The following POT1 variants were observed in gnomAD, a reference collection of about 807,000 sequenced individuals.
POT1 encodes the protein protection of telomeres protein 1.
Under a neutral mutation model 78.5 loss-of-function variants are expected in POT1, and 47 were observed. The ratio of observed to expected loss-of-function variants is 0.60; its 90% CI spans 0.47 to 0.76. The LOEUF is 0.76. Ranked by LOEUF, POT1 falls within the 30% of genes least tolerant of loss-of-function variation. The pLI, the probability that POT1 is intolerant of heterozygous loss-of-function variation, is 0.00. For synonymous variants in POT1, 259 were observed against 260.7 expected (o/e 0.99, Z 0.06); for missense variants, 646 against 749.9 (o/e 0.86, Z 1.62).
At chr7:124,859,260 G>T in intron 8 of POT1, 148 bp from the exon 9 acceptor site, 1 of 518,880 alleles carries the variant, frequency 1.9e-6, no homozygotes. Flanking sequence ...TTTTCTGATT[G>T]TTAAAGAACT....
intron 5 of POT1, chr7:124,892,688 A>G (rs548225562): frequency 6.1e-6 from 1 of 164,654 alleles, no homozygotes; most frequent in Non-Finnish European, 1.3e-5. Flanking sequence ...CTGACTTATG[A>G]TGGTTCAACT....
At chr7:124,840,101 G>A (rs1017470598) in intron 14 of POT1, among the ~76,000 whole-genome samples, 3 of 151,258 alleles carry the variant, frequency 2.0e-5, no homozygotes, top group Non-Finnish European at 2.9e-5. Flanking sequence ...GCCTCCTCCA[G>A]TATCAACATC....
At chr7:124,914,810 C>G (rs888977433) in intron 3 of POT1, among the ~76,000 whole-genome samples, 8 of 152,106 alleles carry the variant, frequency 5.3e-5, no homozygotes, top group African/African-American at 1.7e-4. Flanking sequence ...TGAGCATCCA[C>G]AGATTTTTAT....
Position 124,866,757 on chromosome 7 carries a change from A to G in POT1, c.256-3117T>C, listed in dbSNP as rs1291882322. 3.3e-5 allele frequency among the ~76,000 whole-genome samples: 5 copies of G among 152,180 alleles called. No homozygotes were observed. In the South Asian group the frequency reaches 6.2e-4, roughly 19 times the overall value. On this transcript the variant is annotated intron_variant, in intron 7 of 18. Transcript: ENST00000357628. ...ATAAGTTTCTCTTCACTCTCTGATCATAGCTACCCATTGTCCGATGCCTAA... is the reference window on the plus strand; with the variant it reads ...ATAAGTTTCTCTTCACTCTCTGATCGTAGCTACCCATTGTCCGATGCCTAA...
chr7:124,859,231 T>G, intron 8 of POT1, 119 bp from the exon 9 acceptor site: 1 of 596,142 alleles, frequency 1.7e-6, no homozygotes, highest in East Asian at 3.1e-5. Flanking sequence ...ATATTGGCAC[T>G]ATTTTAAATA....
intron 6 of POT1, among the ~76,000 whole-genome samples, chr7:124,876,735 C>G (rs1795999377): frequency 7.2e-6 from 1 of 138,456 alleles, no homozygotes; most frequent in South Asian, 2.4e-4. Context: ...TTGTTCTCAA[C>G]TGCAGCACTT....
At chr7:124,899,923 T>C (rs1021324159) in intron 3 of POT1, among the ~76,000 whole-genome samples, 11 of 152,082 alleles carry the variant, frequency 7.2e-5, no homozygotes, top group Admixed American at 3.3e-4. Context: ...AAGAAAAATT[T>C]TGAAAAGAAT....
Position 124,884,922 on chromosome 7 carries a change from A to T in POT1, c.124+7344T>A, listed in dbSNP as rs1466934130. 2.6e-5 allele frequency among the ~76,000 whole-genome samples: 4 copies of T among 152,212 alleles called. No individual in the cohort carries two copies. In the East Asian group the frequency reaches 7.7e-4, roughly 29 times the overall value. ...TTTAAAAAATAGCTATTTCTAAAAA[A>T]CTGAAACACAGCTAAAATTAAATTC... On this transcript the variant is annotated intron_variant, in intron 6 of 18. Coordinates refer to ENST00000357628, the MANE Select transcript of POT1 (RefSeq NM_015450.3).
chr7:124,873,535 G>C (rs559315545), intron 6 of POT1, among the ~76,000 whole-genome samples: 1 of 152,154 alleles, frequency 6.6e-6, no homozygotes, highest in East Asian at 1.9e-4. Context: ...ATCTGTATTG[G>C]CCTGTAGTTT....
At chr7:124,910,579 T>G (rs965190870) in intron 3 of POT1, among the ~76,000 whole-genome samples, 9 of 151,904 alleles carry the variant, frequency 5.9e-5, no homozygotes, top group African/African-American at 2.2e-4. Context: ...ATAATAAACG[T>G]TTGAAAAAGA....
intron 13 of POT1, 120 bp downstream of exon 13, chr7:124,842,687 T>A: frequency 1.3e-6 from 1 of 745,768 alleles, no homozygotes; most frequent in South Asian, 4.8e-5. Flanking sequence ...TTTACCATTC[T>A]TGCAAAATAT....
In POT1 at chr7:124,830,011, T is replaced by G. The variant is rs549294608; in HGVS notation, c.1506-669A>C. Among the ~76,000 whole-genome samples, 455 of 152,236 alleles carry G rather than the reference T, an allele frequency of 3.0e-3. 5 individuals carry two copies. Among genetic ancestry groups the G allele is most frequent in the Middle Eastern group, 0.014 (4 of 294 alleles). ...CCATACCTGGCCTCTGTAAGTAATATCTTAATAAATTCAAAGTGTTAATAA... is the reference window on the plus strand; with the variant it reads ...CCATACCTGGCCTCTGTAAGTAATAGCTTAATAAATTCAAAGTGTTAATAA... On this transcript the variant is annotated intron_variant, in intron 15 of 18. Coordinates refer to ENST00000357628, the MANE Select transcript of POT1 (RefSeq NM_015450.3).
Position 124,841,914 on chromosome 7 carries a change from A to C in POT1, c.1164-736T>G, listed in dbSNP as rs1391392292. 3.3e-5 allele frequency among the ~76,000 whole-genome samples: 5 copies of C among 152,110 alleles called. No individual in the cohort carries two copies. In the South Asian group the frequency reaches 6.2e-4, roughly 19 times the overall value. On this transcript the variant is annotated intron_variant, in intron 13 of 18. Coordinates refer to ENST00000357628, the MANE Select transcript of POT1 (RefSeq NM_015450.3). ...TATATACATTTTAATCCCAACCACCATTTCAAGCTCAAATGGGTAAAAACA... is the reference window on the plus strand; with the variant it reads ...TATATACATTTTAATCCCAACCACCCTTTCAAGCTCAAATGGGTAAAAACA...
chr7:124,823,903 A>C lies in POT1; in HGVS notation c.*59T>G. 2 of 1,089,882 alleles carry C rather than the reference A, an allele frequency of 1.8e-6. No individual in the cohort carries two copies. Among genetic ancestry groups the C allele is most frequent in the Non-Finnish European group, 2.8e-6 (2 of 718,136 alleles). The allele number at this position is 1,089,882 out of a possible 1,614,324, so 67.5% of individuals were successfully genotyped here. ...GATACAAAACTCAGGTCAGGAAAAG[A>C]AGCTCAAACAGGGAAGGTGAGTGGC... On this transcript the variant is annotated 3_prime_UTR_variant, in exon 19 of 19. Coordinates refer to ENST00000357628, the MANE Select transcript of POT1 (RefSeq NM_015450.3).
intron 3 of POT1, among the ~76,000 whole-genome samples, chr7:124,906,301 A>G (rs568122153): frequency 6.6e-6 from 1 of 152,256 alleles, no homozygotes; most frequent in East Asian, 1.9e-4. Context: ...ATGGAATACT[A>G]TGCAACCGTA....
rs1236014028 is a variant in POT1, at chr7:124,863,534, T to C, written c.362A>G (p.Lys121Arg). ...GTCCTCAGTAGTGAAGTTAAAATAC[T>C]TGCTTGAAGTGCGAGGTATGATAGG... ...GAPIIPRTSS[K>R]YFNFTTEDHK... The change falls in exon 8 of 19, where the codon AAG becomes AGG. Residue 121 changes from lysine to arginine, a missense_variant. By Grantham distance (26) the Lys-to-Arg change is conservative (BLOSUM62 2). Transcript: ENST00000357628. The C allele has an allele frequency of 6.2e-7, 1 of 1,613,942 alleles. No homozygotes were observed. The highest frequency in any genetic ancestry group is 8.5e-7 in the Non-Finnish European group (1 of 1,179,868).
At chr7:124,884,279 CA>C (rs1488702778) in intron 6 of POT1, among the ~76,000 whole-genome samples, 1 of 151,946 alleles carries the variant, frequency 6.6e-6, no homozygotes, top group African/African-American at 2.4e-5. Flanking sequence ...CATCCTATCC[CA>C]AAATCTAAAA....
intron 3 of POT1, among the ~76,000 whole-genome samples, chr7:124,913,218 G>A (rs1427402064): frequency 6.6e-6 from 1 of 152,156 alleles, no homozygotes; most frequent in East Asian, 1.9e-4. Flanking sequence ...AATTCAAGAT[G>A]AGATGTGGGT....
chr7:124,847,452 C>T (rs1396070192), intron 11 of POT1, among the ~76,000 whole-genome samples: 2 of 152,204 alleles, frequency 1.3e-5, no homozygotes, highest in Admixed American at 6.5e-5. Context: ...TGAGATTGTG[C>T]CATTGCACTC....
Sources: allele counts gnomAD v4.1 joint callset (sites outside exome capture counted in the v4.1 genomes callset), GRCh38; gene constraint gnomAD v4.1.1; transcripts MANE v1.5; gene names NCBI Gene and HGNC (gene_info 2026-07-23, HGNC 2026-07-21).